SORCS2: variants seen among roughly 807,000 people sequenced by gnomAD.
SORCS2 encodes VPS10 domain-containing receptor SorCS2.
A neutral mutation model predicts 141.6 loss-of-function variants in SORCS2; 100 were observed. The ratio of observed to expected loss-of-function variants is 0.71; its 90% CI spans 0.60 to 0.83. The LOEUF (loss-of-function observed/expected upper bound fraction) is 0.83. Among genes scored for constraint, SORCS2 ranks in the 40% least tolerant of loss-of-function variants. SORCS2 has a pLI of 0.00. For synonymous variants in SORCS2, 789 were observed against 676.9 expected (o/e 1.17, Z -2.57); for missense variants, 1,646 against 1,560.2 (o/e 1.05, Z -0.93).
intron 16 of SORCS2, among the ~76,000 whole-genome samples, chr4:7,714,631 G>A (rs542763353): frequency 6.6e-6 from 1 of 152,336 alleles, no homozygotes; most frequent in Admixed American, 6.5e-5. Context: ...CAGGCAGGAG[G>A]AGAAAGTGAG....
At chr4:7,631,548 G>C (rs1719896107) in intron 3 of SORCS2, among the ~76,000 whole-genome samples, 1 of 152,164 alleles carries the variant, frequency 6.6e-6, no homozygotes. Flanking sequence ...CCTCCACTTT[G>C]GCCCAGCCTG....
rs182436169 is a variant in SORCS2 at position 7,541,996 on chromosome 4, C to A, written c.648+10367C>A. On this transcript the variant is annotated intron_variant, in intron 3 of 26. Coordinates refer to ENST00000507866, the MANE Select transcript of SORCS2 (RefSeq NM_020777.3). ...ATGTGCAGGACCCCCTGCCAGCTCC[C>A]CACTTTTTGGCCCCATTCCCCTTTT... Among the ~76,000 whole-genome samples the A allele has an allele frequency of 9.5e-4, 145 of 152,328 alleles. 1 individual carries two copies. Among genetic ancestry groups the A allele is most frequent in the African/African-American group, 2.8e-3 (115 of 41,576 alleles).
At chr4:7,316,787 CCCACA>C (rs1718589617) in intron 1 of SORCS2, among the ~76,000 whole-genome samples, 1 of 152,168 alleles carries the variant, frequency 6.6e-6, no homozygotes, top group Non-Finnish European at 1.5e-5. Flanking sequence ...AAAGCACTAG[CCCACA>C]CTCCCCCGTG....
At chr4:7,604,275 C>G (rs1013518226) in intron 3 of SORCS2, among the ~76,000 whole-genome samples, 1 of 152,156 alleles carries the variant, frequency 6.6e-6, no homozygotes, top group Non-Finnish European at 1.5e-5. Flanking sequence ...ATGCTGTTCT[C>G]GTGGTAGTGA....
At position 7,671,347 on chromosome 4, in the gene SORCS2, A is replaced by G. The variant is rs908888147; in HGVS notation, c.1161+4134A>G. On this transcript the variant is annotated intron_variant, in intron 8 of 26. Coordinates refer to ENST00000507866, the MANE Select transcript of SORCS2 (RefSeq NM_020777.3). The stretch of plus-strand genomic sequence containing the variant: ...GAAAGTATGAGCATTCAAAAGAAAA[A>G]AAAAATAAATTAACATAAACCTTCC... Among the ~76,000 whole-genome samples the G allele has an allele frequency of 1.1e-4, 16 of 152,288 alleles. No homozygotes were observed. The South Asian group carries it at 2.7e-3, about 26-fold the overall frequency.
At chr4:7,555,286 G>A (rs1005913783) in intron 3 of SORCS2, among the ~76,000 whole-genome samples, 1 of 152,232 alleles carries the variant, frequency 6.6e-6, no homozygotes, top group Non-Finnish European at 1.5e-5. Flanking sequence ...TGCAATCGCT[G>A]TGAAATTGCC....
intron 2 of SORCS2, among the ~76,000 whole-genome samples, chr4:7,457,955 C>T (rs1323540110): frequency 3.3e-5 from 5 of 152,066 alleles, no homozygotes; most frequent in Non-Finnish European, 7.4e-5. Context: ...GCAGGGACGT[C>T]CACACTGTTA....
intron 1 of SORCS2, among the ~76,000 whole-genome samples, chr4:7,374,030 TAC>T (rs1310384431): frequency 6.6e-6 from 1 of 152,244 alleles, no homozygotes; most frequent in Non-Finnish European, 1.5e-5. Flanking sequence ...CTAGAAGTTT[TAC>T]AGTTTCAGAG....
rs1712650643 is a variant in SORCS2 at position 7,741,309 on chromosome 4, G to A, written c.*1045G>A. ...GAAGGGGAAACTGAGGCCCAGGGAGGAGAGTAACTGAAGGTCACAGCACGG... is the reference window on the plus strand; with the variant it reads ...GAAGGGGAAACTGAGGCCCAGGGAGAAGAGTAACTGAAGGTCACAGCACGG... On this transcript the variant is annotated 3_prime_UTR_variant, in exon 27 of 27. Transcript: ENST00000507866. 2 of 398,960 alleles carry A rather than the reference G, an allele frequency of 5.0e-6. No homozygotes were observed. The highest frequency in any genetic ancestry group is 8.8e-6 in the Non-Finnish European group (2 of 226,158). The allele number at this position is 398,960 out of a possible 1,614,324, so 24.7% of individuals were successfully genotyped here. A position where few individuals can be genotyped will look rare whatever the true frequency, so the allele number is the denominator to read the frequency against.
At chr4:7,433,459 G>A (rs985200510) in intron 2 of SORCS2, 1 of 1,564,644 alleles carries the variant, frequency 6.4e-7, no homozygotes, top group Non-Finnish European at 8.6e-7. Context: ...CAGCAGTGGG[G>A]TCCTGGGGCC....
chr4:7,658,806 A>G (rs567867239), intron 5 of SORCS2, among the ~76,000 whole-genome samples: 1 of 152,288 alleles, frequency 6.6e-6, no homozygotes, highest in Non-Finnish European at 1.5e-5. Flanking sequence ...AAGGTTGGGA[A>G]CCGAACGGGG....
chr4:7,337,777 T>C (rs1223094673), intron 1 of SORCS2, among the ~76,000 whole-genome samples: 4 of 152,212 alleles, frequency 2.6e-5, no homozygotes, highest in Non-Finnish European at 4.4e-5. Context: ...TACCAGGGTT[T>C]GTCTGGCCAC....
chr4:7,292,942 A>G (rs1716708146), intron 1 of SORCS2, among the ~76,000 whole-genome samples: 1 of 152,214 alleles, frequency 6.6e-6, no homozygotes, highest in Admixed American at 6.5e-5. Context: ...CCATGCAGAT[A>G]GTGTCTGCTG....
intron 2 of SORCS2, among the ~76,000 whole-genome samples, chr4:7,445,009 C>T (rs1180358913): frequency 7.4e-6 from 1 of 135,354 alleles, no homozygotes; most frequent in African/African-American, 2.7e-5. Context: ...TGATCCAGGG[C>T]GGGGAGCAGA....
At chr4:7,248,173 C>T (rs921820417) in intron 1 of SORCS2, among the ~76,000 whole-genome samples, 3 of 152,216 alleles carry the variant, frequency 2.0e-5, no homozygotes, top group Non-Finnish European at 4.4e-5. Context: ...GCTACACAAC[C>T]CCAGGCTGCT....
intron 2 of SORCS2, among the ~76,000 whole-genome samples, chr4:7,443,642 C>T (rs897800326): frequency 3.3e-5 from 5 of 152,212 alleles, no homozygotes; most frequent in South Asian, 2.1e-4. Context: ...GCATAAGGAC[C>T]GGAGACCACA....
chr4:7,383,185 A>T (rs995883849), intron 1 of SORCS2, among the ~76,000 whole-genome samples: 1 of 152,102 alleles, frequency 6.6e-6, no homozygotes, highest in Non-Finnish European at 1.5e-5. Context: ...TACGGAGCTC[A>T]AGAGGGCTCT....
intron 2 of SORCS2, among the ~76,000 whole-genome samples, chr4:7,507,318 G>T (rs1732330335): frequency 6.6e-6 from 1 of 152,118 alleles, no homozygotes. Flanking sequence ...GGGATTACAG[G>T]CGCGTGCCAC....
At position 7,454,796 on chromosome 4, in the gene SORCS2, GCTGTGTTGGGGTCAGGCA is replaced by G. The variant is rs1282213197; in HGVS notation, c.548+58455_548+58472del. Among the ~76,000 whole-genome samples, 338 of 129,044 alleles carry G rather than the reference GCTGTGTTGGGGTCAGGCA, an allele frequency of 2.6e-3. 3 individuals are homozygous for G. Among genetic ancestry groups the G allele is most frequent in the African/African-American group, 9.9e-3 (323 of 32,548 alleles). The allele number at this position is 129,044 out of a possible 152,430, so 84.7% of individuals were successfully genotyped here. ...TCAGTGCTGTGTGTTGGGGTCTGGT[GCTGTGTTGGGGTCAGGCA>G]CTGTGTTGGGGTCTGGTGCTGTGTG... On this transcript the variant is annotated intron_variant, in intron 2 of 26. Coordinates refer to ENST00000507866, the MANE Select transcript of SORCS2 (RefSeq NM_020777.3).
Sources: allele counts gnomAD v4.1 joint callset (sites outside exome capture counted in the v4.1 genomes callset), GRCh38; gene constraint gnomAD v4.1.1; transcripts MANE v1.5; gene names NCBI Gene and HGNC (gene_info 2026-07-23, HGNC 2026-07-21).